EPB41L3: variants seen among roughly 807,000 people sequenced by gnomAD.
EPB41L3 encodes the protein band 4.1-like protein 3.
In EPB41L3, 57 loss-of-function variants were observed where a neutral mutation model predicts 127.1. That is an observed-to-expected ratio of 0.45 (90% CI 0.36 to 0.56). The LOEUF is 0.56. Among genes scored for constraint, EPB41L3 ranks in the 20% least tolerant of loss-of-function variants. EPB41L3 has a pLI of 0.00. For missense variants in EPB41L3, 1,273 were observed against 1,372.2 expected (o/e 0.93, Z 1.14); for synonymous variants, 572 against 549.5 (o/e 1.04, Z -0.57).
intron 3 of EPB41L3, among the ~76,000 whole-genome samples, chr18:5,579,215 A>G (rs1312901600): frequency 6.6e-6 from 1 of 152,200 alleles, no homozygotes; most frequent in Non-Finnish European, 1.5e-5. Flanking sequence ...TTCAGAGTGT[A>G]ATAAGATTGC....
At chr18:5,403,476 T>A (rs1023111688) in intron 16 of EPB41L3, among the ~76,000 whole-genome samples, 2 of 151,816 alleles carry the variant, frequency 1.3e-5, no homozygotes, top group Admixed American at 1.3e-4. Flanking sequence ...TAGAAATAAT[T>A]ATTATAACAA....
chr18:5,617,528 C>T (rs189530543), intron 1 of EPB41L3, among the ~76,000 whole-genome samples: 366 of 152,172 alleles, frequency 2.4e-3, no homozygotes, highest in Non-Finnish European at 4.3e-3. Context: ...CCGTTTTAGC[C>T]GGGATGGTCT....
upstream of EPB41L3, among the ~76,000 whole-genome samples, chr18:5,544,702 A>G (rs2093845815): frequency 6.6e-6 from 1 of 152,232 alleles, no homozygotes; most frequent in African/African-American, 2.4e-5. Context: ...TATGGGCACA[A>G]AAAGAATAGA....
At chr18:5,508,998 C>T (rs931011963) in intron 1 of EPB41L3, among the ~76,000 whole-genome samples, 1 of 152,076 alleles carries the variant, frequency 6.6e-6, no homozygotes, top group Admixed American at 6.5e-5. Context: ...GTTACAAGAC[C>T]AACGCAGCAG....
At chr18:5,444,126 C>G (rs776236187) in intron 4 of EPB41L3, among the ~76,000 whole-genome samples, 1 of 152,124 alleles carries the variant, frequency 6.6e-6, no homozygotes, top group Admixed American at 6.5e-5. Context: ...TCTTTTATAA[C>G]CATTGCCTTC....
intron 3 of EPB41L3, among the ~76,000 whole-genome samples, chr18:5,549,435 A>G (rs1378400750): frequency 6.6e-6 from 1 of 152,228 alleles, no homozygotes; most frequent in Non-Finnish European, 1.5e-5. Context: ...ACACTTTCCT[A>G]TGCAAGATGT....
At chr18:5,396,108 T>C in intron 19 of EPB41L3, 93 bp downstream of exon 19, 6 of 1,472,950 alleles carry the variant, frequency 4.1e-6, no homozygotes, top group Non-Finnish European at 9.4e-7. Flanking sequence ...CTAAGTCTCA[T>C]GAATTAAATA....
chr18:5,399,082 T>C (rs1228139203), intron 16 of EPB41L3: 2 of 399,192 alleles, frequency 5.0e-6, no homozygotes, highest in Middle Eastern at 6.3e-4. Flanking sequence ...GCTTCTGTAG[T>C]GGAGGGCTGC....
intron 1 of EPB41L3, among the ~76,000 whole-genome samples, chr18:5,517,515 C>G (rs757504487): frequency 3.9e-5 from 6 of 152,118 alleles, no homozygotes; most frequent in Non-Finnish European, 5.9e-5. Context: ...TGGCTCACGG[C>G]AACCTCTGCC....
At chr18:5,448,116 G>T (rs539742965) in intron 3 of EPB41L3, among the ~76,000 whole-genome samples, 24 of 152,176 alleles carry the variant, frequency 1.6e-4, no homozygotes, top group Non-Finnish European at 2.4e-4. Flanking sequence ...GAGTGGGGAT[G>T]TAAGATTCTA....
At chr18:5,601,914 C>T (rs1239599966) in intron 3 of EPB41L3, among the ~76,000 whole-genome samples, 6 of 152,174 alleles carry the variant, frequency 3.9e-5, no homozygotes, top group Admixed American at 6.5e-5. Flanking sequence ...AATAGCACTT[C>T]GGAGTGGTTG....
chr18:5,399,320 C>A (rs1228369891), intron 16 of EPB41L3: 1 of 398,944 alleles, frequency 2.5e-6, no homozygotes, highest in African/African-American at 2.1e-5. Context: ...AAGTCACAAT[C>A]TTTTTCAAAT....
Position 5,478,371 on chromosome 18 carries a change from T to A in EPB41L3, c.251A>T (p.Asp84Val). 1 of 1,614,188 alleles carries A rather than the reference T, an allele frequency of 6.2e-7. No homozygotes were observed. Among genetic ancestry groups the A allele is most frequent in the Non-Finnish European group, 8.5e-7 (1 of 1,180,036 alleles). Residue 84 changes from aspartate (D) to valine (V), a missense_variant, in exon 3 of 23, where the codon GAC becomes GTC. By Grantham distance (152) the Asp-to-Val change is radical. Coordinates refer to ENST00000341928, the MANE Select transcript of EPB41L3 (RefSeq NM_012307.5). ...AKQLEYQQLE[D>V]DKLSQKSSSS... is the part of the protein sequence containing the mutation. ...AGATGATTTCTGAGAAAGTTTATCGTCTTCTAATTGCTGATATTCGAGCTG... is the reference window on the plus strand; with the variant it reads ...AGATGATTTCTGAGAAAGTTTATCGACTTCTAATTGCTGATATTCGAGCTG...
At chr18:5,596,930 A>G (rs1785413) in intron 3 of EPB41L3, among the ~76,000 whole-genome samples, 62,543 of 151,902 alleles carry the variant, frequency 0.41, 13,370 homozygotes, top group Non-Finnish European at 0.47. Context: ...CCAGCTCTCC[A>G]CATAAATAAT....
chr18:5,564,290 G>A (rs896354282), intron 3 of EPB41L3, among the ~76,000 whole-genome samples: 1 of 152,090 alleles, frequency 6.6e-6, no homozygotes, highest in Non-Finnish European at 1.5e-5. Context: ...TAAAGATAGG[G>A]CTTTGTATGT....
chr18:5,417,806 CT>C (rs993207715), intron 12 of EPB41L3, among the ~76,000 whole-genome samples: 7 of 152,128 alleles, frequency 4.6e-5, no homozygotes, highest in Admixed American at 2.6e-4. Context: ...AAAGACGGCA[CT>C]TTAAACAGGA....
intron 3 of EPB41L3, among the ~76,000 whole-genome samples, chr18:5,566,714 TTTCTATTCCATTCTA>T (rs1378306608): frequency 8.9e-5 from 12 of 134,892 alleles, no homozygotes; most frequent in East Asian, 2.4e-4. Context: ...TTTCTTTTCT[TTTCTATTCCATTCTA>T]TTCTATTCTA....
At chr18:5,441,637 T>A (rs1161395363) in intron 5 of EPB41L3, among the ~76,000 whole-genome samples, 1 of 152,164 alleles carries the variant, frequency 6.6e-6, no homozygotes, top group Non-Finnish European at 1.5e-5. Context: ...GGCTAATTTT[T>A]GTATTTTTAG....
chr18:5,603,584 A>G (rs1198349773), intron 3 of EPB41L3, among the ~76,000 whole-genome samples: 1 of 152,126 alleles, frequency 6.6e-6, no homozygotes, highest in Admixed American at 6.5e-5. Flanking sequence ...CAACTGCAGG[A>G]GCTATAAAAT....
Sources: gnomAD v4.1 joint callset for allele counts (sites outside exome capture counted in the v4.1 genomes callset) on GRCh38, gnomAD v4.1.1 for gene constraint, MANE v1.5 for transcripts, NCBI Gene and HGNC (gene_info 2026-07-23, HGNC 2026-07-21) for gene names.